The following ARHGAP15 variants were observed in gnomAD, a reference collection of about 807,000 sequenced individuals.
ARHGAP15 encodes rho GTPase-activating protein 15.
ARHGAP15 carries 51 observed loss-of-function variants against 63.7 expected under a neutral mutation model. The observed-to-expected ratio is 0.80, with a 90% CI of 0.64 to 1.01. The LOEUF is 1.01. Among genes scored for constraint, ARHGAP15 ranks in the 50% least tolerant of loss-of-function variants. ARHGAP15 has a pLI of 0.00. For missense variants in ARHGAP15, 560 were observed against 564.6 expected (o/e 0.99, Z 0.08); for synonymous variants, 191 against 193.8 (o/e 0.99, Z 0.12).
intron 13 of ARHGAP15, among the ~76,000 whole-genome samples, chr2:143,740,142 C>T (rs1334772613): frequency 2.0e-5 from 3 of 152,130 alleles, no homozygotes; most frequent in African/African-American, 7.2e-5. Flanking sequence ...ATGATTTTCT[C>T]CACTAGGAGG....
chr2:143,367,355 C>T (rs1416157189), intron 6 of ARHGAP15, among the ~76,000 whole-genome samples: 1 of 151,966 alleles, frequency 6.6e-6, no homozygotes, highest in Non-Finnish European at 1.5e-5. Context: ...ATCATCCTCA[C>T]AATTTTCTCT....
At chr2:143,363,794 C>T (rs1686168220) in intron 6 of ARHGAP15, among the ~76,000 whole-genome samples, 1 of 152,184 alleles carries the variant, frequency 6.6e-6, no homozygotes. Flanking sequence ...CTAACTTCAT[C>T]AGATCATGGG....
intron 9 of ARHGAP15, among the ~76,000 whole-genome samples, chr2:143,504,028 T>C (rs1693191128): frequency 6.6e-6 from 1 of 152,200 alleles, no homozygotes; most frequent in Non-Finnish European, 1.5e-5. Context: ...TTAATGCTTT[T>C]ATCATTTTAT....
At chr2:143,239,777 G>C (rs1337278796) in intron 5 of ARHGAP15, among the ~76,000 whole-genome samples, 1 of 151,948 alleles carries the variant, frequency 6.6e-6, no homozygotes, top group African/African-American at 2.4e-5. Context: ...GATCACCTGA[G>C]GTCAGGAGTT....
At chr2:143,342,313 A>G in intron 6 of ARHGAP15, among the ~76,000 whole-genome samples, 1 of 152,220 alleles carries the variant, frequency 6.6e-6, no homozygotes, top group South Asian at 2.1e-4. Context: ...AATGTAGGAC[A>G]GACCAGTCTT....
At chr2:143,133,350 T>A (rs975953288) in intron 1 of ARHGAP15, among the ~76,000 whole-genome samples, 3 of 152,174 alleles carry the variant, frequency 2.0e-5, no homozygotes, top group African/African-American at 7.2e-5. Context: ...TAGTGTGAGA[T>A]CATAAATAGA....
intron 3 of ARHGAP15, among the ~76,000 whole-genome samples, chr2:143,202,727 C>T (rs956064619): frequency 6.6e-6 from 1 of 151,314 alleles, no homozygotes; most frequent in Non-Finnish European, 1.5e-5. Flanking sequence ...ATAATAGGAA[C>T]CAGAGACTAC....
chr2:143,193,236 A>G (rs1691747889), intron 2 of ARHGAP15: 1 of 152,650 alleles, frequency 6.6e-6, no homozygotes, highest in Admixed American at 6.5e-5. Flanking sequence ...ATTGCCTGGC[A>G]CCTACACACT....
At chr2:143,645,500 A>G (rs886264989) in intron 12 of ARHGAP15, among the ~76,000 whole-genome samples, 1 of 152,090 alleles carries the variant, frequency 6.6e-6, no homozygotes, top group Admixed American at 6.6e-5. Flanking sequence ...AATGTGGTTT[A>G]GTCTCTGTAC....
intron 4 of ARHGAP15, among the ~76,000 whole-genome samples, chr2:143,219,729 T>C (rs1692911024): frequency 6.6e-6 from 1 of 152,246 alleles, no homozygotes; most frequent in African/African-American, 2.4e-5. Flanking sequence ...TATCAGCACG[T>C]AGCATCATCC....
intron 9 of ARHGAP15, 48 bp from the exon 10 acceptor site, chr2:143,519,218 C>A: frequency 7.2e-7 from 1 of 1,384,266 alleles, no homozygotes; most frequent in Non-Finnish European, 1.0e-6. Flanking sequence ...AATTAAAGAA[C>A]AACGCAAGCT....
chr2:143,420,819 G>C (rs1688886053), intron 6 of ARHGAP15, among the ~76,000 whole-genome samples: 1 of 152,114 alleles, frequency 6.6e-6, no homozygotes, highest in Non-Finnish European at 1.5e-5. Flanking sequence ...GTCCTACAAG[G>C]CTCTTGGGAC....
At chr2:143,313,158 GA>G (rs914057664) in intron 6 of ARHGAP15, among the ~76,000 whole-genome samples, 1 of 151,754 alleles carries the variant, frequency 6.6e-6, no homozygotes. Flanking sequence ...AGATGAGAGA[GA>G]AAAAAAGAAA....
intron 6 of ARHGAP15, among the ~76,000 whole-genome samples, chr2:143,311,633 G>A (rs1574254400): frequency 6.6e-6 from 1 of 152,068 alleles, no homozygotes; most frequent in South Asian, 2.1e-4. Flanking sequence ...TGCAAGGAAG[G>A]AAAATTAGTG....
chr2:143,692,452 A>C (rs1683652276), intron 12 of ARHGAP15, among the ~76,000 whole-genome samples: 1 of 152,204 alleles, frequency 6.6e-6, no homozygotes, highest in Non-Finnish European at 1.5e-5. Flanking sequence ...AACCCAAGGC[A>C]GCAAAGCCCC....
At chr2:143,364,205 A>ACAAC (rs148320497) in intron 6 of ARHGAP15, among the ~76,000 whole-genome samples, 5 of 148,668 alleles carry the variant, frequency 3.4e-5, no homozygotes, top group South Asian at 2.2e-4. Flanking sequence ...AACAACAACA[A>ACAAC]AAAAAAAAAA....
At position 143,679,165 on chromosome 2, in the gene ARHGAP15, C is replaced by A. The variant is rs557696443; in HGVS notation, c.1139-24254C>A. 3.9e-5 allele frequency among the ~76,000 whole-genome samples: 6 copies of A among 152,024 alleles called. No individual in the cohort carries two copies. The South Asian group carries it at 1.2e-3, about 32-fold the overall frequency. ...CTAAAAAAAAAAAATATGCTGCACT[C>A]AACCAGAATCTTCAAAAATCCTGGG... On this transcript the variant is annotated intron_variant, in intron 12 of 13. Transcript: ENST00000295095.
At chr2:143,581,565 T>C (rs1696906936) in intron 11 of ARHGAP15, among the ~76,000 whole-genome samples, 1 of 152,226 alleles carries the variant, frequency 6.6e-6, no homozygotes, top group Non-Finnish European at 1.5e-5. Context: ...TAGTACTGTA[T>C]AATCATTTAC....
intron 10 of ARHGAP15, among the ~76,000 whole-genome samples, chr2:143,527,740 A>C (rs547410083): frequency 9.2e-5 from 14 of 152,226 alleles, no homozygotes; most frequent in African/African-American, 3.1e-4. Context: ...AACTTCTCAT[A>C]TGGTACCTAA....
Sources: allele counts gnomAD v4.1 joint callset (sites outside exome capture counted in the v4.1 genomes callset), GRCh38; gene constraint gnomAD v4.1.1; transcripts MANE v1.5; gene names NCBI Gene and HGNC (gene_info 2026-07-23, HGNC 2026-07-21).